The following NHLRC2 variants were observed in gnomAD, a reference collection of about 807,000 sequenced individuals.
The protein encoded by NHLRC2 is NHL repeat containing 2, also known as NHL repeat-containing protein 2.
In NHLRC2, 33 loss-of-function variants were observed where a neutral mutation model predicts 68.1. That is an observed-to-expected ratio of 0.48 (90% CI 0.37 to 0.65). The LOEUF is 0.65. Among genes scored for constraint, NHLRC2 ranks in the 30% least tolerant of loss-of-function variants. The pLI, the probability that NHLRC2 is intolerant of heterozygous loss-of-function variation, is 0.00. For missense variants in NHLRC2, 761 were observed against 853.8 expected (o/e 0.89, Z 1.35); for synonymous variants, 311 against 309.6 (o/e 1.00, Z -0.05).
chr10:113,871,304 G>C (rs755091887), intron 2 of NHLRC2, among the ~76,000 whole-genome samples: 1 of 152,068 alleles, frequency 6.6e-6, no homozygotes, highest in South Asian at 2.1e-4. Context: ...GATTACAGGC[G>C]TGAGCCACTG....
chr10:113,854,866 C>CGGAAACATGGCGGCGCCCGGA lies in NHLRC2; in HGVS notation c.-4_17dup, dbSNP rs755439709. Reference sequence around the variant, plus strand: ...CCCGGCGGCCGCATCGGGAGCCCGGCGGAAACATGGCGGCGCCCGGAGGCC... The same window carrying CGGAAACATGGCGGCGCCCGGA: ...CCCGGCGGCCGCATCGGGAGCCCGGCGGAAACATGGCGGCGCCCGGAGGAAACATGGCGGCGCCCGGAGGCC... On this transcript the variant is annotated 5_prime_UTR_variant, in exon 1 of 11. In the 5' UTR this introduces an upstream ATG that the reference lacks. Transcript: ENST00000369301. 19 of 1,538,982 alleles carry CGGAAACATGGCGGCGCCCGGA rather than the reference C, an allele frequency of 1.2e-5. No homozygotes were observed. The South Asian group carries it at 2.3e-4, about 18-fold the overall frequency.
intron 5 of NHLRC2, among the ~76,000 whole-genome samples, chr10:113,891,052 T>A (rs2134724356): frequency 6.6e-6 from 1 of 152,270 alleles, no homozygotes; most frequent in South Asian, 2.1e-4. Context: ...CCAATCACTT[T>A]CCACCAGGTC....
rs567870120 is a variant in NHLRC2, at chr10:113,913,569, C to T, written c.*5033C>T. On this transcript the variant is annotated 3_prime_UTR_variant, in exon 11 of 11. Transcript: ENST00000369301. The stretch of plus-strand genomic sequence containing the variant: ...TGTTTTAAAAGTTCTAACGGTTGGT[C>T]TTCAAAACGTAATTAAGACCTTATC... 6.6e-6 allele frequency: 1 copy of T among 152,096 alleles called. No individual in the cohort carries two copies. The highest frequency in any genetic ancestry group is 2.4e-5 in the African/African-American group (1 of 41,412). The allele number at this position is 152,096 out of a possible 1,614,324, so 9.4% of individuals were successfully genotyped here. A position where few individuals can be genotyped will look rare whatever the true frequency, so the allele number is the denominator to read the frequency against.
chr10:113,873,485 C>T (rs959431161), intron 2 of NHLRC2, among the ~76,000 whole-genome samples: 2 of 152,186 alleles, frequency 1.3e-5, no homozygotes, highest in Admixed American at 1.3e-4. Flanking sequence ...TATTGTGGAG[C>T]TACATGGCTA....
At chr10:113,879,793 A>G (rs1472911954) in intron 4 of NHLRC2, 98 bp downstream of exon 4, 5 of 742,114 alleles carry the variant, frequency 6.7e-6, no homozygotes, top group Non-Finnish European at 1.1e-5. Flanking sequence ...ATTCTTATGT[A>G]TGTCAATGTC....
chr10:113,889,645 G>T (rs112552123), intron 5 of NHLRC2, among the ~76,000 whole-genome samples: 2 of 152,170 alleles, frequency 1.3e-5, no homozygotes, highest in South Asian at 2.1e-4. Context: ...TGACAAAGAA[G>T]TGCAGTCTTG....
chr10:113,856,052 AATAC>A (rs1845754363), intron 1 of NHLRC2, among the ~76,000 whole-genome samples: 1 of 152,170 alleles, frequency 6.6e-6, no homozygotes, highest in Non-Finnish European at 1.5e-5. Flanking sequence ...TCGTGAAACT[AATAC>A]TTTTAAAAAT....
At chr10:113,893,663 C>T (rs1036333059) in intron 5 of NHLRC2, among the ~76,000 whole-genome samples, 2 of 152,128 alleles carry the variant, frequency 1.3e-5, no homozygotes, top group Non-Finnish European at 2.9e-5. Context: ...AATAAGTACA[C>T]AGAGACCAAA....
chr10:113,899,243 T>C (rs532324201), intron 6 of NHLRC2, among the ~76,000 whole-genome samples: 2 of 152,308 alleles, frequency 1.3e-5, no homozygotes, highest in Admixed American at 1.3e-4. Flanking sequence ...CCTAGCACAG[T>C]ATTTGGTACC....
intron 2 of NHLRC2, among the ~76,000 whole-genome samples, chr10:113,863,311 G>A (rs1053763842): frequency 2.0e-5 from 3 of 151,822 alleles, no homozygotes; most frequent in Admixed American, 6.6e-5. Flanking sequence ...ATAACCAAAG[G>A]AAAATTGGAA....
chr10:113,860,616 C>G (rs1009134783), intron 2 of NHLRC2, among the ~76,000 whole-genome samples: 2 of 151,666 alleles, frequency 1.3e-5, no homozygotes, highest in African/African-American at 4.8e-5. Flanking sequence ...ATCTATGAGA[C>G]AAAGACTTTA....
chr10:113,859,445 T>C (rs1010508710), intron 2 of NHLRC2, among the ~76,000 whole-genome samples: 2 of 152,142 alleles, frequency 1.3e-5, no homozygotes, highest in Admixed American at 1.3e-4. Context: ...AAGATGAGAA[T>C]AGACTATATA....
intron 6 of NHLRC2, among the ~76,000 whole-genome samples, chr10:113,898,605 A>T (rs1378885708): frequency 6.6e-6 from 1 of 152,250 alleles, no homozygotes; most frequent in Non-Finnish European, 1.5e-5. Flanking sequence ...GAACCTGCAA[A>T]GAATCATTCT....
rs1846330058 is a variant in NHLRC2, at chr10:113,911,610, T to C, written c.*3074T>C. 6.6e-6 allele frequency: 1 copy of C among 152,156 alleles called. No individual in the cohort carries two copies. The highest frequency in any genetic ancestry group is 6.5e-5 in the Admixed American group (1 of 15,284). The allele number at this position is 152,156 out of a possible 1,614,324, so 9.4% of individuals were successfully genotyped here. ...GAGATAAGTTACTCTTTGCTTGTTT[T>C]TCTGTAGTTGGAAAATTTAGGAAGT... On this transcript the variant is annotated 3_prime_UTR_variant, in exon 11 of 11. Transcript: ENST00000369301.
At chr10:113,869,161 A>G (rs1845898663) in intron 2 of NHLRC2, among the ~76,000 whole-genome samples, 1 of 152,218 alleles carries the variant, frequency 6.6e-6, no homozygotes, top group African/African-American at 2.4e-5. Flanking sequence ...CTCTGTGAAT[A>G]GGATAACAAC....
rs1846393119 is a variant in NHLRC2, at chr10:113,916,997, A to G, written c.*8461A>G. ...TATTTCAAGACTGTACTTTTCAGTG[A>G]CTTTTTCAAGTGCATGTGTTAACAG... On this transcript the variant is annotated 3_prime_UTR_variant, in exon 11 of 11. Transcript: ENST00000369301. 1 of 152,168 alleles carries G rather than the reference A, an allele frequency of 6.6e-6. No individual in the cohort carries two copies. Among genetic ancestry groups the G allele is most frequent in the Admixed American group, 6.5e-5 (1 of 15,276 alleles). The allele number at this position is 152,168 out of a possible 1,614,324, so 9.4% of individuals were successfully genotyped here. A position where few individuals can be genotyped will look rare whatever the true frequency, so the allele number is the denominator to read the frequency against.
chr10:113,865,560 C>CTTTCT (rs1391574471), intron 2 of NHLRC2, among the ~76,000 whole-genome samples: 1 of 121,024 alleles, frequency 8.3e-6, no homozygotes, highest in African/African-American at 3.2e-5. Flanking sequence ...TTCACAGAGG[C>CTTTCT]TTTCTTTTCT....
rs568795265 is a variant in NHLRC2, at chr10:113,886,826, G to A, written c.1039+2446G>A. ...GATCTGGGCAATGAATGATTTCTTG[G>A]ATAGGACTCCAAAAACACAGGCAAC... is the stretch of plus-strand genomic sequence containing the variant. On this transcript the variant is annotated intron_variant, in intron 5 of 10. Transcript: ENST00000369301. Among the ~76,000 whole-genome samples the A allele has an allele frequency of 2.6e-5, 4 of 152,262 alleles. No individual in the cohort carries two copies. The South Asian group carries it at 6.2e-4, about 24-fold the overall frequency.
At position 113,871,406 on chromosome 10, in the gene NHLRC2, T is replaced by A. The variant is rs537186793; in HGVS notation, c.332-5115T>A. On this transcript the variant is annotated intron_variant, in intron 2 of 10. Transcript: ENST00000369301. ...ATACTGTTATAGCTCCATATAGAAA[T>A]TTTTCAGTCTTATGCCTCTAATTGA... Among the ~76,000 whole-genome samples the A allele has an allele frequency of 1.9e-3, 291 of 152,292 alleles. 2 individuals carry two copies. The highest frequency in any genetic ancestry group is 6.8e-3 in the African/African-American group (281 of 41,560).
Sources: gnomAD v4.1 joint callset for allele counts (sites outside exome capture counted in the v4.1 genomes callset) on GRCh38, gnomAD v4.1.1 for gene constraint, MANE v1.5 for transcripts, NCBI Gene and HGNC (gene_info 2026-07-23, HGNC 2026-07-21) for gene names.